The following SDK1 variants were observed in gnomAD, a reference collection of about 807,000 sequenced individuals.
SDK1 encodes the protein sidekick cell adhesion molecule 1, also known as protein sidekick-1.
A neutral mutation model predicts 245.5 loss-of-function variants in SDK1; 157 were observed. The ratio of observed to expected loss-of-function variants is 0.64; its 90% CI spans 0.56 to 0.73. The LOEUF (loss-of-function observed/expected upper bound fraction) is 0.73. SDK1 is among the 30% of genes least tolerant of loss of function. The pLI is 0.00. For missense variants in SDK1, 3,583 were observed against 3,002.3 expected (o/e 1.19, Z -4.52); for synonymous variants, 1,647 against 1,278.5 (o/e 1.29, Z -6.15).
chr7:3,760,587 GAATAATA>G (rs1455022986), intron 4 of SDK1, among the ~76,000 whole-genome samples: 6 of 152,156 alleles, frequency 3.9e-5, no homozygotes, highest in African/African-American at 1.2e-4. Flanking sequence ...ATTTTCCTCA[GAATAATA>G]GTTTTGGAAT....
chr7:3,952,818 T>A (rs1380094211), intron 7 of SDK1, among the ~76,000 whole-genome samples: 3 of 152,014 alleles, frequency 2.0e-5, no homozygotes, highest in African/African-American at 4.8e-5. Context: ...AAACTATTAG[T>A]GTTTAGGGAG....
intron 4 of SDK1, among the ~76,000 whole-genome samples, chr7:3,767,969 C>A (rs953263376): frequency 6.6e-6 from 1 of 152,178 alleles, no homozygotes; most frequent in Non-Finnish European, 1.5e-5. Flanking sequence ...CCATTTTAAT[C>A]CTCATAACTC....
chr7:3,604,009 G>A, intron 1 of SDK1, among the ~76,000 whole-genome samples: 1 of 152,210 alleles, frequency 6.6e-6, no homozygotes, highest in East Asian at 1.9e-4. Flanking sequence ...TGTTGAACCA[G>A]CCTTGCATCC....
At chr7:3,938,091 C>T (rs181777239) in intron 5 of SDK1, among the ~76,000 whole-genome samples, 161 of 152,288 alleles carry the variant, frequency 1.1e-3, no homozygotes, top group African/African-American at 3.6e-3. Flanking sequence ...CCTGCCTTGA[C>T]CTCCCAAAGT....
intron 17 of SDK1, among the ~76,000 whole-genome samples, chr7:4,025,572 C>T (rs1279720174): frequency 1.3e-5 from 2 of 152,218 alleles, no homozygotes; most frequent in Non-Finnish European, 1.5e-5. Context: ...TTGTGATTCG[C>T]AGGCCTGTCT....
chr7:3,741,418 C>G (rs528115365), intron 4 of SDK1, among the ~76,000 whole-genome samples: 12 of 152,330 alleles, frequency 7.9e-5, no homozygotes, highest in South Asian at 4.1e-4. Flanking sequence ...TCGTGCACCC[C>G]ACTGGCCATG....
chr7:3,301,685 C>T lies in SDK1; in HGVS notation c.99C>T (p.Pro33=). 1 of 972,856 alleles carries T rather than the reference C, an allele frequency of 1.0e-6. No individual in the cohort carries two copies. Among genetic ancestry groups the T allele is most frequent in the Non-Finnish European group, 1.2e-6 (1 of 823,112 alleles). 60.3% of individuals were successfully genotyped at this position (972,856 alleles called of 1,614,324 possible). ...CCGGGCGGCCGCGGGGATCCCCGCC[C>T]GGCCGCGCCCGCCCCTCGCTGGCGC... ...AGPGRPRGSP[P]GRARPSLAPR... is the part of the protein sequence containing the mutation. Residue 33 remains proline (P), a synonymous_variant, in exon 1 of 45, where the codon CCC becomes CCT. Coordinates refer to ENST00000404826, the MANE Select transcript of SDK1 (RefSeq NM_152744.4).
intron 19 of SDK1, among the ~76,000 whole-genome samples, chr7:4,060,135 C>T (rs909086440): frequency 6.6e-6 from 1 of 152,172 alleles, no homozygotes; most frequent in African/African-American, 2.4e-5. Flanking sequence ...CCCGCCTCGG[C>T]CTTCCAAAGT....
chr7:3,622,276 G>C (rs914014036), intron 2 of SDK1, among the ~76,000 whole-genome samples: 1 of 152,054 alleles, frequency 6.6e-6, no homozygotes, highest in Non-Finnish European at 1.5e-5. Context: ...TCAGGAGTTC[G>C]ACACCACCAG....
intron 35 of SDK1, among the ~76,000 whole-genome samples, chr7:4,192,300 G>A (rs1002395282): frequency 4.6e-5 from 7 of 151,216 alleles, no homozygotes; most frequent in African/African-American, 1.7e-4. Context: ...TATTGAGACG[G>A]AGTCTCACTC....
Position 4,205,956 on chromosome 7 carries a change from C to T in SDK1, c.5176C>T (p.Pro1726Ser). The change falls in exon 36 of 45, where the codon CCC becomes TCC. Residue 1726 changes from proline to serine, a missense_variant. Physicochemically the swap from Pro to Ser is moderately conservative, Grantham distance 74. Coordinates refer to ENST00000404826, the MANE Select transcript of SDK1 (RefSeq NM_152744.4). ...SQLEVTWDPP[P>S]PESQNGNIQG... is the part of the protein sequence containing the mutation. ...GCTGGAGGTCACGTGGGACCCACCA[C>T]CCCCGGAGAGCCAGAATGGGAACAT... 2 of 1,561,260 alleles carry T rather than the reference C, an allele frequency of 1.3e-6. No individual in the cohort carries two copies. Among genetic ancestry groups the T allele is most frequent in the Non-Finnish European group, 8.7e-7 (1 of 1,152,216 alleles).
Position 3,343,002 on chromosome 7 carries a change from G to A in SDK1, c.298+41118G>A, listed in dbSNP as rs374342952. Among the ~76,000 whole-genome samples, 24 of 137,978 alleles carry A rather than the reference G, an allele frequency of 1.7e-4. 1 individual carries two copies. Among genetic ancestry groups the A allele is most frequent in the South Asian group, 4.6e-4 (2 of 4,374 alleles). 90.5% of individuals were successfully genotyped at this position (137,978 alleles called of 152,430 possible). The stretch of plus-strand genomic sequence containing the variant: ...GGGAGAAAACTTCTGCTAAATGGCT[G>A]AAAAAAAAAAAAAAGCACCAAATGT... On this transcript the variant is annotated intron_variant, in intron 1 of 44. Transcript: ENST00000404826.
intron 4 of SDK1, among the ~76,000 whole-genome samples, chr7:3,813,114 A>G: frequency 6.6e-6 from 1 of 151,828 alleles, no homozygotes; most frequent in Non-Finnish European, 1.5e-5. Flanking sequence ...TTATTTATTT[A>G]TTTATTTTTA....
intron 1 of SDK1, among the ~76,000 whole-genome samples, chr7:3,461,234 T>C (rs1361792919): frequency 6.6e-6 from 1 of 152,226 alleles, no homozygotes; most frequent in Non-Finnish European, 1.5e-5. Context: ...CTTTGTCTAG[T>C]TTCTCTTGAT....
At chr7:3,694,853 A>G (rs1045054107) in intron 4 of SDK1, among the ~76,000 whole-genome samples, 2 of 152,222 alleles carry the variant, frequency 1.3e-5, no homozygotes, top group African/African-American at 4.8e-5. Context: ...CTTACTGAAA[A>G]TGATTTGTTC....
chr7:3,565,671 G>T (rs1015592901), intron 1 of SDK1, among the ~76,000 whole-genome samples: 3 of 152,140 alleles, frequency 2.0e-5, no homozygotes, highest in Admixed American at 2.0e-4. Flanking sequence ...TCAAATCCCT[G>T]ACTTAAAACA....
chr7:3,647,036 C>T (rs900310391), intron 4 of SDK1, among the ~76,000 whole-genome samples: 1 of 152,114 alleles, frequency 6.6e-6, no homozygotes, highest in African/African-American at 2.4e-5. Flanking sequence ...TGGTGATGAT[C>T]GCACAACAGT....
At chr7:3,741,605 G>T (rs7786266) in intron 4 of SDK1, among the ~76,000 whole-genome samples, 1,565 of 152,242 alleles carry the variant, frequency 0.01, 23 homozygotes, top group African/African-American at 0.036. Context: ...TTTGAACTCA[G>T]CATGCAGATT....
chr7:3,756,761 G>A (rs974676467), intron 4 of SDK1, among the ~76,000 whole-genome samples: 1 of 152,080 alleles, frequency 6.6e-6, no homozygotes, highest in Non-Finnish European at 1.5e-5. Context: ...GCATCTTTGG[G>A]TCGTGTCCCT....
Sources: allele counts gnomAD v4.1 joint callset (sites outside exome capture counted in the v4.1 genomes callset), GRCh38; gene constraint gnomAD v4.1.1; transcripts MANE v1.5; gene names NCBI Gene and HGNC (gene_info 2026-07-23, HGNC 2026-07-21).